Variants in KAT2B observed in about 807,000 individuals in gnomAD.
KAT2B encodes lysine acetyltransferase 2B.
KAT2B carries 36 observed loss-of-function variants against 105.9 expected under a neutral mutation model. That is an observed-to-expected ratio of 0.34 (90% CI 0.26 to 0.45). KAT2B has a LOEUF of 0.45. KAT2B is among the 20% of genes least tolerant of loss of function. KAT2B has a pLI of 1.00. For missense variants in KAT2B, 820 were observed against 1,021.6 expected, an observed-to-expected ratio of 0.80 and a Z score of 2.69; for synonymous variants, 397 against 377.9, an observed-to-expected ratio of 1.05 and a Z score of -0.59.
intron 1 of KAT2B, among the ~76,000 whole-genome samples, chr3:20,060,214 G>C (rs1698076077): frequency 6.6e-6 from 1 of 152,192 alleles, no homozygotes; most frequent in African/African-American, 2.4e-5. Context: ...TCTTAGTATG[G>C]ATATATTTCT....
Position 20,050,448 on chromosome 3 carries a change from TC to T in KAT2B, c.303+9670del, listed in dbSNP as rs141704278. Among the ~76,000 whole-genome samples, 490 of 152,256 alleles carry T rather than the reference TC, an allele frequency of 3.2e-3. 3 individuals are homozygous for T. The highest frequency in any genetic ancestry group is 4.4e-3 in the Non-Finnish European group (300 of 68,014). On this transcript the variant is annotated intron_variant, in intron 1 of 17. Transcript: ENST00000263754. The stretch of plus-strand genomic sequence containing the variant: ...GGGTTCTCTTGTGCCTCCTCCCCAC[TC>T]CTGGTAATCCTTATTCTGACTTCTA...
Position 20,095,256 on chromosome 3 carries a change from T to C in KAT2B, c.431-7T>C. On this transcript the variant is annotated splice_polypyrimidine_tract_variant and splice_region_variant and intron_variant, in intron 2 of 17. Coordinates refer to ENST00000263754, the MANE Select transcript of KAT2B (RefSeq NM_003884.5). Reference sequence around the variant, plus strand: ...TCTTACATATGTTTCTTTGATCTTATCATAAGCTGCTCATGTTTCCCACCT... The same window carrying C: ...TCTTACATATGTTTCTTTGATCTTACCATAAGCTGCTCATGTTTCCCACCT... 6.2e-7 allele frequency: 1 copy of C among 1,609,700 alleles called. No homozygotes were observed. The highest frequency in any genetic ancestry group is 1.1e-5 in the South Asian group (1 of 90,262).
rs151150770 is a variant in KAT2B, at chr3:20,055,882, A to G, written c.303+15102A>G. Among the ~76,000 whole-genome samples the G allele has an allele frequency of 1.3e-3, 195 of 152,308 alleles. 9 individuals are homozygous for G. In the East Asian group the frequency reaches 0.034, roughly 26 times the overall value. On this transcript the variant is annotated intron_variant, in intron 1 of 17. Transcript: ENST00000263754. The stretch of plus-strand genomic sequence containing the variant: ...CTTTAAGTTAATTTAGCTATTTTTC[A>G]TATAAATGTTACCACATAGTACATA...
intron 1 of KAT2B, among the ~76,000 whole-genome samples, chr3:20,058,472 AAAAG>A (rs1698040446): frequency 1.3e-5 from 2 of 151,634 alleles, no homozygotes; most frequent in Non-Finnish European, 2.9e-5. Context: ...AAAAAAAAAA[AAAAG>A]GTTTTCAGAG....
intron 1 of KAT2B, among the ~76,000 whole-genome samples, chr3:20,068,591 C>T (rs980078179): frequency 1.8e-4 from 27 of 151,958 alleles, no homozygotes; most frequent in African/African-American, 5.1e-4. Context: ...ATAATTTACT[C>T]ATTTGTGTTA....
chr3:20,141,758 T>A (rs1244650969), intron 13 of KAT2B, among the ~76,000 whole-genome samples: 1 of 151,704 alleles, frequency 6.6e-6, no homozygotes, highest in Non-Finnish European at 1.5e-5. Context: ...AGTCTTGTTC[T>A]TGTGTTTCCT....
chr3:20,138,814 C>T (rs1422183292), intron 12 of KAT2B, among the ~76,000 whole-genome samples: 1 of 152,056 alleles, frequency 6.6e-6, no homozygotes, highest in Non-Finnish European at 1.5e-5. Flanking sequence ...TTCAACATTG[C>T]TTATGGCTTT....
intron 1 of KAT2B, among the ~76,000 whole-genome samples, chr3:20,064,192 A>G (rs1043400858): frequency 6.6e-6 from 1 of 152,152 alleles, no homozygotes; most frequent in Non-Finnish European, 1.5e-5. Context: ...GCTCCTTTTG[A>G]AAAAAGAACT....
In KAT2B at chr3:20,114,966, C is replaced by G. The variant is rs1205332478; in HGVS notation, c.1128C>G (p.Thr376=). ...ATTTTCTCTCAGCCTCTTCCAGAACCAGCCAGCTAGGCATCCAAACAGGTA... is the reference window on the plus strand; with the variant it reads ...ATTTTCTCTCAGCCTCTTCCAGAACGAGCCAGCTAGGCATCCAAACAGGTA... ...DQDFLSASSR[T]SQLGIQTVIN... The change falls in exon 7 of 18, where the codon ACC becomes ACG. Residue 376 remains threonine (T), a synonymous_variant. Transcript: ENST00000263754. 13 of 1,611,462 alleles carry G rather than the reference C, an allele frequency of 8.1e-6. No individual in the cohort carries two copies. Among genetic ancestry groups the G allele is most frequent in the Middle Eastern group, 1.7e-4 (1 of 6,050 alleles).
intron 2 of KAT2B, among the ~76,000 whole-genome samples, chr3:20,079,197 G>A (rs1698475044): frequency 7.3e-6 from 1 of 136,218 alleles, no homozygotes. Context: ...CACCACACCT[G>A]GCCTCTTTTT....
chr3:20,107,398 CAG>C (rs1435458674), intron 5 of KAT2B, among the ~76,000 whole-genome samples: 7 of 151,516 alleles, frequency 4.6e-5, no homozygotes, highest in African/African-American at 1.7e-4. Context: ...TGGCCCACGC[CAG>C]TAATCCTAGC....
intron 11 of KAT2B, among the ~76,000 whole-genome samples, chr3:20,134,979 C>T (rs1246676872): frequency 6.6e-6 from 1 of 152,106 alleles, no homozygotes. Context: ...TACTTCAGGA[C>T]ATTTCAAACT....
At chr3:20,100,589 T>G (rs1411760345) in intron 4 of KAT2B, among the ~76,000 whole-genome samples, 1 of 152,188 alleles carries the variant, frequency 6.6e-6, no homozygotes, top group Non-Finnish European at 1.5e-5. Context: ...ACTACTGAAG[T>G]CATGATACCA....
intron 2 of KAT2B, among the ~76,000 whole-genome samples, chr3:20,078,639 G>C (rs1003901851): frequency 6.6e-6 from 1 of 151,404 alleles, no homozygotes; most frequent in Non-Finnish European, 1.5e-5. Context: ...TCGGCCTCCC[G>C]AAGTGCTGGG....
At chr3:20,125,824 A>G (rs1250035687) in intron 9 of KAT2B, 81 bp from the exon 10 acceptor site, 1 of 1,135,470 alleles carries the variant, frequency 8.8e-7, no homozygotes, top group African/African-American at 1.5e-5. Flanking sequence ...TAGAACAAAG[A>G]TGAGAAGCTT....
chr3:20,133,131 T>C (rs1699540836), intron 11 of KAT2B, among the ~76,000 whole-genome samples: 1 of 152,190 alleles, frequency 6.6e-6, no homozygotes, highest in Non-Finnish European at 1.5e-5. Flanking sequence ...CATCCTGCTA[T>C]TTTTGTCAGC....
rs916980498 is a variant in KAT2B, at chr3:20,101,353, G to C, written c.736G>C (p.Glu246Gln). The change falls in exon 5 of 18, where the codon GAG becomes CAG. Residue 246 changes from glutamate to glutamine, a missense_variant. This residue lies in a region of KAT2B where 173 missense variants were observed against 249.5 expected (regional missense o/e 0.69). Transcript: ENST00000263754. ...LPAKERQTIVELAKMFLNRIN... is the reference protein window; with the variant it reads ...LPAKERQTIVQLAKMFLNRIN... Reference sequence around the variant, plus strand: ...AGCAAAAGAAAGGCAAACAATAGTTGAGTTGGCAAAAATGTTCCTAAACCG... The same window carrying C: ...AGCAAAAGAAAGGCAAACAATAGTTCAGTTGGCAAAAATGTTCCTAAACCG... 6.2e-7 allele frequency: 1 copy of C among 1,614,064 alleles called. No homozygotes were observed.
intron 1 of KAT2B, among the ~76,000 whole-genome samples, chr3:20,055,024 C>G (rs77510832): frequency 6.6e-6 from 1 of 151,910 alleles, no homozygotes; most frequent in Non-Finnish European, 1.5e-5. Context: ...CAGAGAGAAA[C>G]CATTGTGAGC....
Position 20,112,250 on chromosome 3 carries a change from C to T in KAT2B, c.1043+463C>T, listed in dbSNP as rs890118017. 2.6e-5 allele frequency among the ~76,000 whole-genome samples: 4 copies of T among 151,884 alleles called. No individual in the cohort carries two copies. The East Asian group carries it at 7.7e-4, about 29-fold the overall frequency. Reference sequence around the variant, plus strand: ...CTGCCTCAGCTATAGTAGACTTGCCCCCACTCTTTGGAAACTAGACTGCAA... The same window carrying T: ...CTGCCTCAGCTATAGTAGACTTGCCTCCACTCTTTGGAAACTAGACTGCAA... On this transcript the variant is annotated intron_variant, in intron 6 of 17. Coordinates refer to ENST00000263754, the MANE Select transcript of KAT2B (RefSeq NM_003884.5).
Sources: allele counts gnomAD v4.1 joint callset (sites outside exome capture counted in the v4.1 genomes callset), GRCh38; gene constraint gnomAD v4.1.1; regional missense constraint gnomAD v4.1.1; transcripts MANE v1.5; gene names NCBI Gene and HGNC (gene_info 2026-07-23, HGNC 2026-07-21).